Variants in MDM2 observed in about 807,000 individuals in gnomAD.
MDM2 encodes E3 ubiquitin-protein ligase Mdm2.
Under a neutral mutation model 64.3 loss-of-function variants are expected in MDM2, and 11 were observed. The ratio of observed to expected loss-of-function variants is 0.17; its 90% CI spans 0.11 to 0.28. The LOEUF (loss-of-function observed/expected upper bound fraction) is 0.28, where lower values mean the gene tolerates loss of function less well. MDM2 is among the 10% of genes least tolerant of loss of function. MDM2 has a pLI of 1.00. For synonymous variants in MDM2, 194 were observed against 192.9 expected, an observed-to-expected ratio of 1.01 and a Z score of -0.05; for missense variants, 388 against 577.1, an observed-to-expected ratio of 0.67 and a Z score of 3.36.
chr12:68,831,940 G>A (rs1054837857), intron 8 of MDM2, among the ~76,000 whole-genome samples: 4 of 152,036 alleles, frequency 2.6e-5, no homozygotes, highest in African/African-American at 7.2e-5. Flanking sequence ...GCATAGTGGC[G>A]GGCACCTGTA....
chr12:68,830,663 A>G (rs1882720649), intron 8 of MDM2, among the ~76,000 whole-genome samples: 1 of 152,204 alleles, frequency 6.6e-6, no homozygotes, highest in Non-Finnish European at 1.5e-5. Flanking sequence ...CTTGATGAGT[A>G]TCCAACCTAC....
rs1883730983 is a variant in MDM2, at chr12:68,841,055, A to G, written c.*1206A>G. On this transcript the variant is annotated 3_prime_UTR_variant, in exon 11 of 11. Transcript: ENST00000258149. ...AAGACAGGGTTTCACCATGTTAGCC[A>G]GGCTGATCTTGAACTCCTAAACTCA... is the stretch of plus-strand genomic sequence containing the variant. The G allele has an allele frequency of 5.5e-6, 1 of 182,450 alleles. No individual in the cohort carries two copies. The highest frequency in any genetic ancestry group is 2.0e-4 in the South Asian group (1 of 5,050). 11.3% of individuals were successfully genotyped at this position (182,450 alleles called of 1,614,324 possible).
intron 9 of MDM2, 96 bp from the exon 10 acceptor site, chr12:68,836,576 G>A: frequency 1.2e-6 from 1 of 842,138 alleles, no homozygotes. Flanking sequence ...CTCATATATT[G>A]TAGTACATGA....
downstream of MDM2, chr12:68,845,637 A>T: frequency 5.7e-6 from 1 of 176,580 alleles, no homozygotes; most frequent in Non-Finnish European, 1.2e-5. Context: ...TTCGATAGGC[A>T]TTTTCATGTT....
chr12:68,828,973 A>C (rs1376921677), intron 8 of MDM2, 42 bp downstream of exon 8: 3 of 1,596,368 alleles, frequency 1.9e-6, no homozygotes, highest in South Asian at 2.2e-5. Context: ...CTTACTGTTC[A>C]AAGTCTAGTC....
At chr12:68,820,700 T>C (rs1490066358) in intron 5 of MDM2, among the ~76,000 whole-genome samples, 8 of 152,216 alleles carry the variant, frequency 5.3e-5, no homozygotes, top group Admixed American at 1.3e-4. Flanking sequence ...GGAAATAATA[T>C]TGTTACCTAG....
At chr12:68,810,493 G>C (rs1460240282) in intron 2 of MDM2, among the ~76,000 whole-genome samples, 1 of 151,430 alleles carries the variant, frequency 6.6e-6, no homozygotes, top group Non-Finnish European at 1.5e-5. Flanking sequence ...GCGGAGTCTT[G>C]CTCTGTCTCC....
chr12:68,808,888 A>C, intron 1 of MDM2: 1 of 1,359,964 alleles, frequency 7.4e-7, no homozygotes, highest in South Asian at 1.8e-5. Flanking sequence ...GGGCCGGTTC[A>C]GTGGGCAGGT....
At chr12:68,827,658 G>T (rs1882451987) in intron 7 of MDM2, among the ~76,000 whole-genome samples, 1 of 152,096 alleles carries the variant, frequency 6.6e-6, no homozygotes, top group East Asian at 1.9e-4. Context: ...TACTTGAATG[G>T]TTTTGTTCTT....
chr12:68,830,458 A>G (rs893602018), intron 8 of MDM2, among the ~76,000 whole-genome samples: 1 of 152,232 alleles, frequency 6.6e-6, no homozygotes, highest in African/African-American at 2.4e-5. Flanking sequence ...CTTCATTTGT[A>G]GATATTTAAG....
chr12:68,826,739 T>C (rs1882369241), intron 7 of MDM2, among the ~76,000 whole-genome samples: 1 of 152,134 alleles, frequency 6.6e-6, no homozygotes, highest in African/African-American at 2.4e-5. Context: ...CCTAAGGATG[T>C]AATAAAAAAT....
intron 3 of MDM2, chr12:68,815,741 C>T (rs1269923250): frequency 5.0e-5 from 12 of 239,546 alleles, no homozygotes; most frequent in Non-Finnish European, 7.1e-5. Context: ...CTGTGCCCAA[C>T]GCAATTTCTT....
downstream of MDM2, chr12:68,847,219 T>TA (rs1884380364): frequency 7.1e-6 from 1 of 140,998 alleles, no homozygotes; most frequent in Non-Finnish European, 1.5e-5. Context: ...TATACTTTTT[T>TA]TAGAGGCAGA....
At position 68,839,905 on chromosome 12, in the gene MDM2, G is replaced by T; in HGVS notation, c.*56G>T. The T allele has an allele frequency of 1.4e-6, 2 of 1,476,722 alleles. No homozygotes were observed. Among genetic ancestry groups the T allele is most frequent in the Non-Finnish European group, 1.8e-6 (2 of 1,090,088 alleles). The allele number at this position is 1,476,722 out of a possible 1,614,324, so 91.5% of individuals were successfully genotyped here. On this transcript the variant is annotated 3_prime_UTR_variant, in exon 11 of 11. Transcript: ENST00000258149. Reference sequence around the variant, plus strand: ...CTAACTATATAACCCTAGGAATTTAGACAACCTGAAATTTATTCACATATA... The same window carrying T: ...CTAACTATATAACCCTAGGAATTTATACAACCTGAAATTTATTCACATATA...
At chr12:68,825,658 A>G (rs1250651083) in intron 7 of MDM2, among the ~76,000 whole-genome samples, 2 of 128,294 alleles carry the variant, frequency 1.6e-5, no homozygotes, top group South Asian at 2.1e-4. Context: ...TAAAAAAAAG[A>G]GAGAGAGAGA....
downstream of MDM2, chr12:68,848,210 TCTTG>T (rs1444828082): frequency 9.2e-5 from 14 of 152,248 alleles, no homozygotes; most frequent in African/African-American, 2.2e-4. Context: ...TGAGATGGCG[TCTTG>T]CTCTGTTGCC....
chr12:68,809,058 C>G (rs1880620106), intron 1 of MDM2, 150 bp from the exon 2 acceptor site: 17 of 1,499,032 alleles, frequency 1.1e-5, no homozygotes, highest in Non-Finnish European at 1.5e-5. Flanking sequence ...TGGGCACGGA[C>G]GCACGCCACT....
At chr12:68,833,690 G>A (rs1883088378) in intron 8 of MDM2, among the ~76,000 whole-genome samples, 1 of 151,972 alleles carries the variant, frequency 6.6e-6, no homozygotes, top group South Asian at 2.1e-4. Context: ...AGGAGCAACT[G>A]TAGACAACAA....
chr12:68,809,319 T>C, intron 2 of MDM2, 27 bp downstream of exon 2: 2 of 1,580,754 alleles, frequency 1.3e-6, no homozygotes, highest in Middle Eastern at 1.7e-4. Flanking sequence ...CGTGTAACTT[T>C]TAAGAATAAT....
Sources: gnomAD v4.1 joint callset for allele counts (sites outside exome capture counted in the v4.1 genomes callset) on GRCh38, gnomAD v4.1.1 for gene constraint, MANE v1.5 for transcripts, NCBI Gene and HGNC (gene_info 2026-07-23, HGNC 2026-07-21) for gene names.